The following ATG16L1 variants were observed in gnomAD, a reference collection of about 807,000 sequenced individuals.
ATG16L1 encodes the protein autophagy related 16 like 1.
In ATG16L1, 37 loss-of-function variants were observed where a neutral mutation model predicts 88.5. The observed-to-expected ratio is 0.42, with a 90% CI of 0.32 to 0.55. The LOEUF is 0.55. ATG16L1 is among the 20% of genes least tolerant of loss of function. The pLI is 0.13. For missense variants in ATG16L1, 554 were observed against 752.8 expected, an observed-to-expected ratio of 0.74 and a Z score of 3.09; for synonymous variants, 301 against 281.0, an observed-to-expected ratio of 1.07 and a Z score of -0.71.
chr2:233,288,902 G>GT (rs755947600), intron 12 of ATG16L1: 2 of 519,184 alleles, frequency 3.9e-6, no homozygotes, highest in Non-Finnish European at 7.7e-6. Flanking sequence ...GGGAGTGCTG[G>GT]TATCTGTGGC....
intron 12 of ATG16L1, among the ~76,000 whole-genome samples, chr2:233,284,412 A>G (rs943541808): frequency 3.3e-5 from 5 of 152,088 alleles, no homozygotes; most frequent in African/African-American, 1.2e-4. Flanking sequence ...GTTCACTGCA[A>G]GCTCCACCTG....
At chr2:233,280,184 A>G (rs994994260) in intron 10 of ATG16L1, among the ~76,000 whole-genome samples, 1 of 152,174 alleles carries the variant, frequency 6.6e-6, no homozygotes, top group Non-Finnish European at 1.5e-5. Context: ...TCCAATCATT[A>G]TTTTTACTAC....
chr2:233,277,815 ATG>A, intron 10 of ATG16L1, 142 bp downstream of exon 10: 1 of 686,412 alleles, frequency 1.5e-6, no homozygotes, highest in Non-Finnish European at 2.6e-6. Context: ...CATACATTTT[ATG>A]TAAGGGATCG....
intron 8 of ATG16L1, chr2:233,273,982 T>C (rs1698167997): frequency 6.4e-7 from 1 of 1,551,360 alleles, no homozygotes; most frequent in Non-Finnish European, 8.7e-7. Flanking sequence ...CTCTGGCCTT[T>C]CCCTTTAGTC....
chr2:233,256,037 G>A lies in ATG16L1; in HGVS notation c.116-65G>A, dbSNP rs114348798. The A allele has an allele frequency of 3.0e-3, 3,849 of 1,275,976 alleles. 84 individuals carry two copies. In the African/African-American group the frequency reaches 0.05, roughly 17 times the overall value. 79.0% of individuals were successfully genotyped at this position (1,275,976 alleles called of 1,614,324 possible). A position where few individuals can be genotyped will look rare whatever the true frequency, so the allele number is the denominator to read the frequency against. ...GCATCCTTCAATACATGACAAGGTA[G>A]GTACCTAGCAAGTGTACATACGTTG... On this transcript the variant is annotated intron_variant, in intron 1 of 17. Transcript: ENST00000392017.
rs10676895 is a variant in ATG16L1 at position 233,286,621 on chromosome 2, C to CTTTTTTTTTTTTTTTT, written c.1204-3226_1204-3211dup. ...AGAATAAGGTGAGCAGAAGCCCAAA[C>CTTTTTTTTTTTTTTTT]TTTTTTTTTTTTTTTTTTTTTTGAG... On this transcript the variant is annotated intron_variant, in intron 12 of 17. Transcript: ENST00000392017. Among the ~76,000 whole-genome samples the CTTTTTTTTTTTTTTTT allele has an allele frequency of 1.1e-3, 100 of 93,294 alleles. 8 individuals are homozygous for CTTTTTTTTTTTTTTTT. The highest frequency in any genetic ancestry group is 4.1e-3 in the African/African-American group (89 of 21,502). 61.2% of individuals were successfully genotyped at this position (93,294 alleles called of 152,430 possible). A position where few individuals can be genotyped will look rare whatever the true frequency, so the allele number is the denominator to read the frequency against.
chr2:233,252,176 C>T (rs932754891), intron 1 of ATG16L1, among the ~76,000 whole-genome samples: 5 of 152,218 alleles, frequency 3.3e-5, no homozygotes, highest in Non-Finnish European at 7.3e-5. Flanking sequence ...AGGCACAGTT[C>T]GTGTTTGTAT....
intron 6 of ATG16L1, 110 bp downstream of exon 6, chr2:233,270,177 C>A: frequency 1.0e-6 from 1 of 989,248 alleles, no homozygotes; most frequent in Non-Finnish European, 1.4e-6. Flanking sequence ...GGGTCTTGCT[C>A]TGTTGCCCAG....
intron 6 of ATG16L1, among the ~76,000 whole-genome samples, chr2:233,271,800 T>C (rs534501794): frequency 6.6e-6 from 1 of 152,370 alleles, no homozygotes; most frequent in African/African-American, 2.4e-5. Context: ...TCTCCTCTCT[T>C]CCTTGTATGG....
At position 233,254,208 on chromosome 2, in the gene ATG16L1, A is replaced by G. The variant is rs556861574; in HGVS notation, c.116-1894A>G. 2.3e-4 allele frequency among the ~76,000 whole-genome samples: 35 copies of G among 152,344 alleles called. No individual in the cohort carries two copies. The South Asian group carries it at 7.2e-3, about 32-fold the overall frequency. Reference sequence around the variant, plus strand: ...TGTAGAACAGTCAGAATAAGAGGTCACTTGTGGAGAGCAGATAGCTTTAAA... The same window carrying G: ...TGTAGAACAGTCAGAATAAGAGGTCGCTTGTGGAGAGCAGATAGCTTTAAA... On this transcript the variant is annotated intron_variant, in intron 1 of 17. Transcript: ENST00000392017.
intron 1 of ATG16L1, among the ~76,000 whole-genome samples, chr2:233,255,711 C>G (rs1033100498): frequency 6.6e-6 from 1 of 152,014 alleles, no homozygotes; most frequent in Non-Finnish European, 1.5e-5. Flanking sequence ...TTCTCTGTAC[C>G]TTTTTATACT....
chr2:233,272,858 T>C (rs2125246682), intron 6 of ATG16L1, 108 bp from the exon 7 acceptor site: 4 of 936,526 alleles, frequency 4.3e-6, no homozygotes, highest in Non-Finnish European at 6.9e-6. Flanking sequence ...ATTGCTGTCA[T>C]AGCCAAGTGG....
In ATG16L1 at chr2:233,294,352, G is replaced by A. The variant is rs776106668; in HGVS notation, c.*2G>A. 2.2e-5 allele frequency: 35 copies of A among 1,612,776 alleles called. No homozygotes were observed. Among genetic ancestry groups the A allele is most frequent in the Middle Eastern group, 1.7e-4 (1 of 6,058 alleles). On this transcript the variant is annotated 3_prime_UTR_variant, in exon 18 of 18. Transcript: ENST00000392017. The stretch of plus-strand genomic sequence containing the variant: ...GCTGTGCTGTGGGCACAGTACTGAC[G>A]GGGCTCTCAGGGCTGGGAGGACCCC...
intron 4 of ATG16L1, among the ~76,000 whole-genome samples, chr2:233,264,404 C>T (rs1454156819): frequency 6.6e-6 from 1 of 152,098 alleles, no homozygotes. Flanking sequence ...GAGCGCATGG[C>T]CCTTGGGAAA....
intron 5 of ATG16L1, among the ~76,000 whole-genome samples, chr2:233,268,516 T>G (rs1035563964): frequency 3.3e-5 from 5 of 152,166 alleles, no homozygotes; most frequent in Admixed American, 6.5e-5. Flanking sequence ...ACAGGTGGTG[T>G]TTTCCTCTCC....
chr2:233,289,046 ATGGAAC>A, intron 12 of ATG16L1: 1 of 407,626 alleles, frequency 2.5e-6, no homozygotes, highest in East Asian at 6.0e-5. Flanking sequence ...GACTTTAAAT[ATGGAAC>A]TGACTTTCAG....
At chr2:233,285,317 A>G (rs1699003699) in intron 12 of ATG16L1, among the ~76,000 whole-genome samples, 1 of 152,234 alleles carries the variant, frequency 6.6e-6, no homozygotes, top group Admixed American at 6.5e-5. Flanking sequence ...GTCAACCAGT[A>G]GTGCAGGATA....
intron 9 of ATG16L1, among the ~76,000 whole-genome samples, chr2:233,276,556 T>G (rs1698386243): frequency 6.6e-6 from 1 of 152,200 alleles, no homozygotes; most frequent in Non-Finnish European, 1.5e-5. Flanking sequence ...CTCAGTGCAG[T>G]CTCAACCTTG....
chr2:233,292,353 T>A (rs56242862), intron 15 of ATG16L1, 34 bp from the exon 16 acceptor site: 91,151 of 1,614,074 alleles, frequency 0.056, 3,225 homozygotes, highest in South Asian at 0.14. Context: ...TGGCCTGAGC[T>A]CCCTCAGTGA....
Sources: gnomAD v4.1 joint callset for allele counts (sites outside exome capture counted in the v4.1 genomes callset) on GRCh38, gnomAD v4.1.1 for gene constraint, MANE v1.5 for transcripts, NCBI Gene and HGNC (gene_info 2026-07-23, HGNC 2026-07-21) for gene names.